The following NEUROD1 variants were observed in gnomAD, a reference collection of about 807,000 sequenced individuals.
NEUROD1 encodes the protein neuronal differentiation 1, also known as neurogenic differentiation factor 1.
NEUROD1 carries 9 observed loss-of-function variants against 21.8 expected under a neutral mutation model. The observed-to-expected ratio is 0.41, with a 90% CI of 0.25 to 0.72. NEUROD1 has a LOEUF of 0.72. Ranked by LOEUF, NEUROD1 falls within the 30% of genes least tolerant of loss-of-function variation. NEUROD1 has a pLI of 0.31. For synonymous variants in NEUROD1, 199 were observed against 186.2 expected, an observed-to-expected ratio of 1.07 and a Z score of -0.56; for missense variants, 434 against 468.8, an observed-to-expected ratio of 0.93 and a Z score of 0.69.
intron 1 of NEUROD1, among the ~76,000 whole-genome samples, chr2:181,680,183 C>A (rs1205483674): frequency 6.6e-6 from 1 of 151,976 alleles, no homozygotes; most frequent in Non-Finnish European, 1.5e-5. Flanking sequence ...TTTAAAAAAT[C>A]CAAGAAGCTC....
downstream of NEUROD1, among the ~76,000 whole-genome samples, chr2:181,675,541 G>A (rs1202289070): frequency 6.6e-6 from 1 of 152,168 alleles, no homozygotes; most frequent in Admixed American, 6.5e-5. Flanking sequence ...AGTTACTAAT[G>A]ACAGTAATCA....
intron 1 of NEUROD1, among the ~76,000 whole-genome samples, chr2:181,679,923 C>G (rs984619533): frequency 5.9e-5 from 9 of 152,226 alleles, no homozygotes; most frequent in African/African-American, 1.9e-4. Flanking sequence ...CCACTTTCCC[C>G]CCTCTCAACT....
downstream of NEUROD1, among the ~76,000 whole-genome samples, chr2:181,672,614 G>T (rs1688513597): frequency 6.6e-6 from 1 of 152,206 alleles, no homozygotes; most frequent in East Asian, 1.9e-4. Context: ...GCAATACAGT[G>T]ATTTTGGTGG....
downstream of NEUROD1, among the ~76,000 whole-genome samples, chr2:181,670,097 C>T (rs1342799539): frequency 2.6e-5 from 4 of 152,182 alleles, no homozygotes; most frequent in Non-Finnish European, 5.9e-5. Flanking sequence ...GAAAGTGCTA[C>T]ATTTGTTCTT....
chr2:181,674,883 A>C (rs116992661), downstream of NEUROD1, among the ~76,000 whole-genome samples: 17 of 151,892 alleles, frequency 1.1e-4, no homozygotes, highest in East Asian at 3.3e-3. Context: ...CCTGTTTGCT[A>C]TTTTGGAAGC....
exon 2 of NEUROD1, among the ~76,000 whole-genome samples, chr2:181,670,781 C>T (rs1688486379): frequency 6.6e-6 from 1 of 152,060 alleles, no homozygotes; most frequent in Non-Finnish European, 1.5e-5. Context: ...CTTCACATGC[C>T]ATTCTTCCTG....
Position 181,677,004 on chromosome 2 carries a change from T to A in NEUROD1, c.*786A>T, listed in dbSNP as rs902190018. ...AATGTGTTGAATTGATATGTTTTGA[T>A]AGGGAATGTATCTCTTAATTTTTTC... is the stretch of plus-strand genomic sequence containing the variant. On this transcript the variant is annotated 3_prime_UTR_variant, in exon 2 of 2. Coordinates refer to ENST00000295108, the MANE Select transcript of NEUROD1 (RefSeq NM_002500.5). 2.0e-5 allele frequency: 3 copies of A among 152,290 alleles called. No individual in the cohort carries two copies. Among genetic ancestry groups the A allele is most frequent in the African/African-American group, 7.2e-5 (3 of 41,412 alleles). The allele number at this position is 152,290 out of a possible 1,614,324, so 9.4% of individuals were successfully genotyped here.
At chr2:181,679,471 A>T (rs1374193180) in intron 1 of NEUROD1, among the ~76,000 whole-genome samples, 8 of 152,240 alleles carry the variant, frequency 5.3e-5, no homozygotes, top group Non-Finnish European at 8.8e-5. Flanking sequence ...TTTCACCATC[A>T]ATGTAACATT....
downstream of NEUROD1, among the ~76,000 whole-genome samples, chr2:181,674,803 GA>G (rs1359058315): frequency 1.0e-5 from 1 of 97,982 alleles, no homozygotes; most frequent in African/African-American, 2.9e-5. Flanking sequence ...GGCAAAATGG[GA>G]AGAAAAAAAA....
chr2:181,680,246 T>A lies in NEUROD1; in HGVS notation c.-12+184A>T, dbSNP rs149665292. On this transcript the variant is annotated intron_variant, in intron 1 of 1. Transcript: ENST00000295108. ...TTTTTAAAATTTAAATTAGAAAGCC[T>A]GCAGGGGGTACTTGAGTGACACGAC... Among the ~76,000 whole-genome samples, 453 of 152,276 alleles carry A rather than the reference T, an allele frequency of 3.0e-3. 4 individuals are homozygous for A. The highest frequency in any genetic ancestry group is 0.01 in the African/African-American group (423 of 41,552).
chr2:181,678,293 G>T lies in NEUROD1; in HGVS notation c.568C>A (p.Leu190Ile). The T allele has an allele frequency of 6.2e-7, 1 of 1,614,146 alleles. No individual in the cohort carries two copies. Among genetic ancestry groups the T allele is most frequent in the Non-Finnish European group, 8.5e-7 (1 of 1,180,028 alleles). ...TCAGGCAGAAAAGTCCGAGGATTGA[G>T]TTGCAGGCAGCCCGCAACCAGGTTG... ...TTNLVAGCLQLNPRTFLPEQN... is the reference protein window; with the variant it reads ...TTNLVAGCLQINPRTFLPEQN... Residue 190 changes from leucine to isoleucine, a missense_variant, in exon 2 of 2, where the codon CTC becomes ATC. Transcript: ENST00000295108. This position sits in a 1 kb window ranked among gnomAD's most constrained non-coding sequence, Gnocchi z 5.5.
chr2:181,675,695 A>G (rs1343928947), downstream of NEUROD1, among the ~76,000 whole-genome samples: 1 of 151,776 alleles, frequency 6.6e-6, no homozygotes, highest in African/African-American at 2.4e-5. Flanking sequence ...AGAATCATCC[A>G]TAAGTTTTTC....
Position 181,678,358 on chromosome 2 carries a change from A to G in NEUROD1, c.503T>C (p.Phe168Ser). 6.2e-7 allele frequency: 1 copy of G among 1,614,198 alleles called. No homozygotes were observed. The highest frequency in any genetic ancestry group is 8.5e-7 in the Non-Finnish European group (1 of 1,180,026). Residue 168 changes from phenylalanine (F) to serine (S), a missense_variant, in exon 2 of 2, where the codon TTC (phenylalanine) becomes TCC (serine). Phe to Ser is a radical substitution (Grantham distance 155, BLOSUM62 -2). Coordinates refer to ENST00000295108, the MANE Select transcript of NEUROD1 (RefSeq NM_002500.5). The surrounding 1 kb of genome is among the most constrained non-coding windows in gnomAD (Gnocchi z 5.5). Reference protein sequence around the residue: ...RSGKSPDLVSFVQTLCKGLSQ... With the variant: ...RSGKSPDLVSSVQTLCKGLSQ... ...TAAGCCCTTGCAAAGCGTCTGAACGAAGGAGACCAGGTCTGGGCTTTTGCC... is the reference window on the plus strand; with the variant it reads ...TAAGCCCTTGCAAAGCGTCTGAACGGAGGAGACCAGGTCTGGGCTTTTGCC...
chr2:181,668,758 G>C (rs1342524322), downstream of NEUROD1, among the ~76,000 whole-genome samples: 1 of 152,166 alleles, frequency 6.6e-6, no homozygotes. Context: ...TGAAAAATTA[G>C]ATGGATTAAG....
chr2:181,677,619 G>T lies in NEUROD1; in HGVS notation c.*171C>A. On this transcript the variant is annotated 3_prime_UTR_variant, in exon 2 of 2. Transcript: ENST00000295108. The stretch of plus-strand genomic sequence containing the variant: ...AATACATAAGGTGAACAGGAACTTT[G>T]ATCCCCTGTTTCTTCCAAAGGCAGT... 8.5e-7 allele frequency: 1 copy of T among 1,169,874 alleles called. No homozygotes were observed. Among genetic ancestry groups the T allele is most frequent in the Non-Finnish European group, 1.2e-6 (1 of 827,092 alleles). 72.5% of individuals were successfully genotyped at this position (1,169,874 alleles called of 1,614,324 possible). A position where few individuals can be genotyped will look rare whatever the true frequency, so the allele number is the denominator to read the frequency against.
chr2:181,679,703 G>A (rs1214732676), intron 1 of NEUROD1, among the ~76,000 whole-genome samples: 1 of 152,204 alleles, frequency 6.6e-6, no homozygotes, highest in East Asian at 1.9e-4. Context: ...TCTTTATTGG[G>A]GCTTTTCAAA....
Position 181,677,507 on chromosome 2 carries a change from T to C in NEUROD1, c.*283A>G, listed in dbSNP as rs535699215. 2.7e-4 allele frequency: 103 copies of C among 384,672 alleles called. No homozygotes were observed. Among genetic ancestry groups the C allele is most frequent in the Middle Eastern group, 1.6e-3 (2 of 1,242 alleles). 23.8% of individuals were successfully genotyped at this position (384,672 alleles called of 1,614,324 possible). The stretch of plus-strand genomic sequence containing the variant: ...TATCCCGATCAGATAATTAATACGA[T>C]CTGAATACAGCCACACCAAATTCGT... On this transcript the variant is annotated 3_prime_UTR_variant, in exon 2 of 2. Transcript: ENST00000295108.
downstream of NEUROD1, among the ~76,000 whole-genome samples, chr2:181,675,437 C>A (rs1688554360): frequency 6.6e-6 from 1 of 152,074 alleles, no homozygotes; most frequent in African/African-American, 2.4e-5. Context: ...TTTCTGGAAC[C>A]CCTAAATCAC....
At chr2:181,674,060 T>C (rs1192513891), downstream of NEUROD1, among the ~76,000 whole-genome samples, 2 of 152,190 alleles carry the variant, frequency 1.3e-5, no homozygotes, top group Admixed American at 1.3e-4. Flanking sequence ...CAATTGGTTA[T>C]ATAAAGTAAA....
Sources: gnomAD v4.1 joint callset for allele counts (sites outside exome capture counted in the v4.1 genomes callset) on GRCh38, gnomAD v4.1.1 for gene constraint, Gnocchi (gnomAD v3.1) non-coding constraint, MANE v1.5 for transcripts, NCBI Gene and HGNC (gene_info 2026-07-23, HGNC 2026-07-21) for gene names.